CSMD3: variants seen among roughly 807,000 people sequenced by gnomAD.
CSMD3 encodes CUB and Sushi multiple domains 3, also known as CUB and sushi domain-containing protein 3.
A neutral mutation model predicts 435.2 loss-of-function variants in CSMD3; 177 were observed. That is an observed-to-expected ratio of 0.41 (90% CI 0.36 to 0.46). The LOEUF (loss-of-function observed/expected upper bound fraction) is 0.46. Among genes scored for constraint, CSMD3 ranks in the 20% least tolerant of loss-of-function variants. The pLI is 0.34. For missense variants in CSMD3, 4,265 were observed against 4,504.6 expected, an observed-to-expected ratio of 0.95 and a Z score of 1.52; for synonymous variants, 1,656 against 1,520.5, an observed-to-expected ratio of 1.09 and a Z score of -2.07.
chr8:113,142,619 G>A (rs2091575182), intron 4 of CSMD3, among the ~76,000 whole-genome samples: 1 of 151,158 alleles, frequency 6.6e-6, no homozygotes, highest in Admixed American at 6.6e-5. Flanking sequence ...AGGAGCTGGG[G>A]AAGTAGAGAT....
At chr8:112,846,030 A>G (rs1435700988) in intron 11 of CSMD3, among the ~76,000 whole-genome samples, 4 of 152,020 alleles carry the variant, frequency 2.6e-5, no homozygotes, top group Non-Finnish European at 5.9e-5. Context: ...GAAGTAGTCA[A>G]TAATATGACT....
At chr8:112,980,246 A>C (rs993478454) in intron 6 of CSMD3, among the ~76,000 whole-genome samples, 1 of 150,918 alleles carries the variant, frequency 6.6e-6, no homozygotes, top group African/African-American at 2.4e-5. Flanking sequence ...TAAAAAACAG[A>C]ATATATTGCT....
chr8:112,459,172 G>T (rs545662707), intron 32 of CSMD3, among the ~76,000 whole-genome samples: 4 of 152,180 alleles, frequency 2.6e-5, no homozygotes, highest in Admixed American at 2.6e-4. Context: ...CTATGGTACA[G>T]GAGATACATT....
intron 32 of CSMD3, among the ~76,000 whole-genome samples, chr8:112,437,809 G>A (rs77718050): frequency 6.6e-6 from 1 of 152,120 alleles, no homozygotes; most frequent in Admixed American, 6.6e-5. Flanking sequence ...CAAAAATAGC[G>A]AATGTTTCAA....
chr8:113,353,123 T>C lies in CSMD3; in HGVS notation c.179-38330A>G, dbSNP rs556892030. ...TTCCTTATGATGAATTTTGTGGCAG[T>C]ATCACTTGACATTCTGATGGATTGG... On this transcript the variant is annotated intron_variant, in intron 1 of 70. Transcript: ENST00000297405. 7.9e-5 allele frequency among the ~76,000 whole-genome samples: 12 copies of C among 152,242 alleles called. No homozygotes were observed. The South Asian group carries it at 1.7e-3, about 21-fold the overall frequency.
chr8:112,352,584 C>A (rs1826230444), intron 38 of CSMD3, 50 bp from the exon 39 acceptor site: 1 of 1,488,008 alleles, frequency 6.7e-7, no homozygotes, highest in Non-Finnish European at 9.3e-7. Context: ...GTGATAAATG[C>A]TTAAGTTATG....
intron 35 of CSMD3, among the ~76,000 whole-genome samples, chr8:112,405,300 A>G (rs553033845): frequency 1.4e-3 from 199 of 142,948 alleles, no homozygotes; most frequent in African/African-American, 4.8e-3. Flanking sequence ...ATATAACTTT[A>G]ATGAGAAACA....
intron 38 of CSMD3, among the ~76,000 whole-genome samples, chr8:112,353,418 G>C (rs1053604903): frequency 6.6e-6 from 1 of 151,876 alleles, no homozygotes; most frequent in African/African-American, 2.4e-5. Context: ...GAGAAAAACT[G>C]GTGTCTCATT....
rs367850615 is a variant in CSMD3, at chr8:113,376,753, G to C, written c.178+59924C>G. 2.5e-6 allele frequency: 4 copies of C among 1,613,896 alleles called. No homozygotes were observed. The African/African-American group carries it at 4.0e-5, about 16-fold the overall frequency. ...GGATATCTACCTGAGGCTGTCTGTC[G>C]GTCAAGCTGTACAGGTTTCCAGCAA... is the stretch of plus-strand genomic sequence containing the variant. On this transcript the variant is annotated intron_variant, in intron 1 of 70. Coordinates refer to ENST00000297405, the MANE Select transcript of CSMD3 (RefSeq NM_198123.2).
chr8:113,075,409 G>A (rs2089297676), intron 5 of CSMD3, among the ~76,000 whole-genome samples: 1 of 151,518 alleles, frequency 6.6e-6, no homozygotes, highest in African/African-American at 2.4e-5. Context: ...ATAACTATTG[G>A]CCTTAATTTT....
At chr8:113,153,105 G>GAAAAGAAAGAAAGA (rs879259918) in intron 4 of CSMD3, among the ~76,000 whole-genome samples, 1 of 98,484 alleles carries the variant, frequency 1.0e-5, no homozygotes, top group African/African-American at 5.3e-5. Context: ...AGAAAGAAAA[G>GAAAAGAAAGAAAGA]AAAGAAAGAA....
intron 5 of CSMD3, among the ~76,000 whole-genome samples, chr8:113,046,877 T>C (rs898755582): frequency 6.6e-6 from 1 of 152,220 alleles, no homozygotes; most frequent in Non-Finnish European, 1.5e-5. Flanking sequence ...GGGGCAGATC[T>C]GGTCTCCAAA....
At chr8:113,383,102 G>T (rs987561012) in intron 1 of CSMD3, among the ~76,000 whole-genome samples, 1 of 152,162 alleles carries the variant, frequency 6.6e-6, no homozygotes, top group Admixed American at 6.5e-5. Flanking sequence ...ATGAGGAGGA[G>T]GAATGGACAC....
intron 37 of CSMD3, among the ~76,000 whole-genome samples, chr8:112,381,748 T>C (rs62514453): frequency 0.2 from 30,936 of 152,088 alleles, 3,709 homozygotes; most frequent in East Asian, 0.39. Context: ...CAGGATGTTA[T>C]TGATTAAGAG....
chr8:113,068,818 C>T (rs1200002839), intron 5 of CSMD3, among the ~76,000 whole-genome samples: 3 of 151,180 alleles, frequency 2.0e-5, no homozygotes, highest in Admixed American at 1.3e-4. Context: ...TCTTTTATTT[C>T]ACTGTTGATG....
chr8:112,534,996 A>G (rs1010820654), intron 27 of CSMD3, among the ~76,000 whole-genome samples: 1 of 152,052 alleles, frequency 6.6e-6, no homozygotes, highest in African/African-American at 2.4e-5. Context: ...CATGCTAAAA[A>G]CTCTCAATAA....
intron 5 of CSMD3, among the ~76,000 whole-genome samples, chr8:113,080,531 C>T (rs911422850): frequency 3.9e-5 from 6 of 152,028 alleles, no homozygotes; most frequent in African/African-American, 1.4e-4. Flanking sequence ...AAATATCTCC[C>T]TAATGCAATA....
chr8:113,332,641 A>G (rs959113885), intron 1 of CSMD3, among the ~76,000 whole-genome samples: 2 of 151,778 alleles, frequency 1.3e-5, no homozygotes, highest in African/African-American at 2.4e-5. Flanking sequence ...TAAATAAATG[A>G]TAGATATCCT....
intron 8 of CSMD3, among the ~76,000 whole-genome samples, chr8:112,948,155 A>T (rs2083681271): frequency 6.6e-6 from 1 of 151,964 alleles, no homozygotes; most frequent in South Asian, 2.1e-4. Context: ...TTTAGTTTCC[A>T]TCAAATTGGA....
Sources: gnomAD v4.1 joint callset for allele counts (sites outside exome capture counted in the v4.1 genomes callset) on GRCh38, gnomAD v4.1.1 for gene constraint, MANE v1.5 for transcripts, NCBI Gene and HGNC (gene_info 2026-07-23, HGNC 2026-07-21) for gene names.